The following HECW2 variants were observed in gnomAD, a reference collection of about 807,000 sequenced individuals.
HECW2 encodes HECT, C2 and WW domain containing E3 ubiquitin protein ligase 2, also known as E3 ubiquitin-protein ligase HECW2.
In HECW2, 61 loss-of-function variants were observed where a neutral mutation model predicts 175.2. That is an observed-to-expected ratio of 0.35 (90% confidence interval 0.28 to 0.43). The LOEUF (loss-of-function observed/expected upper bound fraction) is 0.43. HECW2 is among the 20% of genes least tolerant of loss of function. The pLI, the probability that HECW2 is intolerant of heterozygous loss-of-function variation, is 1.00. For missense variants in HECW2, 1,524 were observed against 2,000.5 expected, an observed-to-expected ratio of 0.76 and a Z score of 4.54; for synonymous variants, 671 against 731.0, an observed-to-expected ratio of 0.92 and a Z score of 1.32.
At chr2:196,446,938 A>T (rs1265092116) in intron 1 of HECW2, among the ~76,000 whole-genome samples, 1 of 152,230 alleles carries the variant, frequency 6.6e-6, no homozygotes, top group Non-Finnish European at 1.5e-5. Context: ...TTCCATTCTG[A>T]AGGAACTTAC....
At chr2:196,508,118 A>T (rs567539786) in intron 1 of HECW2, among the ~76,000 whole-genome samples, 1 of 152,228 alleles carries the variant, frequency 6.6e-6, no homozygotes, top group Non-Finnish European at 1.5e-5. Flanking sequence ...TCCCTCTGCA[A>T]CTGTCTTTAA....
At chr2:196,335,487 A>G (rs753077614) in intron 3 of HECW2, among the ~76,000 whole-genome samples, 2 of 152,232 alleles carry the variant, frequency 1.3e-5, no homozygotes, top group African/African-American at 2.4e-5. Flanking sequence ...TCCTCTCTCA[A>G]ATGAGTCACC....
intron 19 of HECW2, among the ~76,000 whole-genome samples, chr2:196,249,184 T>C (rs1230111167): frequency 1.3e-5 from 2 of 152,244 alleles, no homozygotes; most frequent in Non-Finnish European, 2.9e-5. Context: ...TTAGGTGTTA[T>C]TGCATTTAAT....
intron 1 of HECW2, among the ~76,000 whole-genome samples, chr2:196,519,430 T>C (rs903162430): frequency 3.9e-5 from 6 of 152,212 alleles, no homozygotes; most frequent in Non-Finnish European, 8.8e-5. Context: ...AGCTATAATA[T>C]CAGCATGGTA....
chr2:196,435,040 A>G (rs1261596438), intron 1 of HECW2, among the ~76,000 whole-genome samples: 1 of 152,248 alleles, frequency 6.6e-6, no homozygotes, highest in Non-Finnish European at 1.5e-5. Context: ...TAGCACTTGC[A>G]AATGTATTTA....
rs796076548 is a variant in HECW2 at position 196,508,862 on chromosome 2, T to TA, written c.-35-75405dup. Among the ~76,000 whole-genome samples, 108 of 152,258 alleles carry TA rather than the reference T, an allele frequency of 7.1e-4. No homozygotes were observed. In the South Asian group the frequency reaches 8.5e-3, roughly 12 times the overall value. On this transcript the variant is annotated intron_variant, in intron 1 of 28. Coordinates refer to ENST00000644978, the MANE Select transcript of HECW2 (RefSeq NM_001348768.2). ...TAAAATAACCACACTTATTACTCTG[T>TA]AAAAATGCATCCTGGCTAACATGGT... is the stretch of plus-strand genomic sequence containing the variant.
rs758824243 is a variant in HECW2, at chr2:196,274,121, T to C, written c.3138A>G (p.Val1046=). The C allele has an allele frequency of 2.3e-5, 37 of 1,611,522 alleles. No homozygotes were observed. Among genetic ancestry groups the C allele is most frequent in the African/African-American group, 4.0e-5 (3 of 74,876 alleles). The stretch of plus-strand genomic sequence containing the variant: ...GTCCTGCATGTCGAGAATCTTCTCC[T>C]ACCTGCAAACAGAAGCATCATTTAT... ...TRQRSHSAGE[V]GEDSRHAGPP... is the part of the protein sequence containing the mutation. Residue 1046 remains valine (V), a splice_region_variant and synonymous_variant, in exon 16 of 29, where the codon GTA becomes GTG. Coordinates refer to ENST00000644978, the MANE Select transcript of HECW2 (RefSeq NM_001348768.2).
intron 1 of HECW2, among the ~76,000 whole-genome samples, chr2:196,465,808 T>C (rs2125336903): frequency 6.6e-6 from 1 of 152,044 alleles, no homozygotes; most frequent in Admixed American, 6.5e-5. Flanking sequence ...CACCATTTCT[T>C]GTTTTCTATT....
chr2:196,379,175 GAA>G lies in HECW2; in HGVS notation c.293-35413_293-35412del, dbSNP rs1217301921. 5.9e-5 allele frequency among the ~76,000 whole-genome samples: 9 copies of G among 151,968 alleles called. No individual in the cohort carries two copies. The East Asian group carries it at 1.5e-3, about 26-fold the overall frequency. The stretch of plus-strand genomic sequence containing the variant: ...AAAAATGAAAGGAAAAAATGATAGT[GAA>G]AAGAGTCAGATAAAACTAATGCACT... On this transcript the variant is annotated intron_variant, in intron 2 of 28. Coordinates refer to ENST00000644978, the MANE Select transcript of HECW2 (RefSeq NM_001348768.2).
At position 196,358,774 on chromosome 2, in the gene HECW2, A is replaced by T. The variant is rs780248614; in HGVS notation, c.293-15010T>A. On this transcript the variant is annotated intron_variant, in intron 2 of 28. Coordinates refer to ENST00000644978, the MANE Select transcript of HECW2 (RefSeq NM_001348768.2). ...CATAAATTAAAACAAAGGCATGCTT[A>T]TTTATGTTTCTTGAAACTCTGCTTT... 3.2e-4 allele frequency among the ~76,000 whole-genome samples: 48 copies of T among 152,114 alleles called. 1 individual carries two copies. Among genetic ancestry groups the T allele is most frequent in the African/African-American group, 1.1e-3 (47 of 41,420 alleles).
At chr2:196,221,023 A>C (rs1687646250) in intron 24 of HECW2, 82 bp from the exon 25 acceptor site, 1 of 1,483,302 alleles carries the variant, frequency 6.7e-7, no homozygotes, top group Non-Finnish European at 9.3e-7. Flanking sequence ...AGCTGAAATC[A>C]GCCAGCTACC....
At chr2:196,467,150 C>G (rs1210731865) in intron 1 of HECW2, among the ~76,000 whole-genome samples, 1 of 152,186 alleles carries the variant, frequency 6.6e-6, no homozygotes, top group Non-Finnish European at 1.5e-5. Flanking sequence ...AGCTTGTCTT[C>G]AGTAAATTGT....
At chr2:196,231,637 T>C (rs1688060030) in intron 21 of HECW2, among the ~76,000 whole-genome samples, 1 of 152,062 alleles carries the variant, frequency 6.6e-6, no homozygotes. Flanking sequence ...TACAGGAAAA[T>C]TTTGCTAACC....
chr2:196,543,188 T>C (rs1689287618), intron 1 of HECW2, among the ~76,000 whole-genome samples: 1 of 151,350 alleles, frequency 6.6e-6, no homozygotes. Flanking sequence ...GAAAATATTT[T>C]AGACATCAGT....
At chr2:196,242,439 A>G (rs1401287426) in intron 19 of HECW2, 2 of 497,534 alleles carry the variant, frequency 4.0e-6, no homozygotes, top group Non-Finnish European at 7.2e-6. Flanking sequence ...AATAGTTACA[A>G]TGGTGCCCAT....
chr2:196,246,886 G>A (rs1688665435), intron 19 of HECW2, among the ~76,000 whole-genome samples: 1 of 152,140 alleles, frequency 6.6e-6, no homozygotes, highest in Admixed American at 6.5e-5. Flanking sequence ...AAAACTCTGA[G>A]ACAGCAATTG....
At chr2:196,513,161 T>C (rs1688014667) in intron 1 of HECW2, among the ~76,000 whole-genome samples, 1 of 152,228 alleles carries the variant, frequency 6.6e-6, no homozygotes, top group African/African-American at 2.4e-5. Flanking sequence ...TATAATATTC[T>C]AAATTTTTGT....
At chr2:196,488,997 A>G (rs1687100817) in intron 1 of HECW2, among the ~76,000 whole-genome samples, 1 of 152,208 alleles carries the variant, frequency 6.6e-6, no homozygotes, top group Non-Finnish European at 1.5e-5. Flanking sequence ...ATACTATGCT[A>G]TATTAAAATG....
chr2:196,458,265 T>A (rs2125320597), intron 1 of HECW2, among the ~76,000 whole-genome samples: 1 of 152,244 alleles, frequency 6.6e-6, no homozygotes, highest in South Asian at 2.1e-4. Flanking sequence ...AGCAAAACCC[T>A]GTCTCTAAGA....
Sources: allele counts gnomAD v4.1 joint callset (sites outside exome capture counted in the v4.1 genomes callset), GRCh38; gene constraint gnomAD v4.1.1; transcripts MANE v1.5; gene names NCBI Gene and HGNC (gene_info 2026-07-23, HGNC 2026-07-21).